WWP2: variants seen among roughly 807,000 people sequenced by gnomAD.
The protein encoded by WWP2 is NEDD4-like E3 ubiquitin-protein ligase WWP2.
Under a neutral mutation model 121.0 loss-of-function variants are expected in WWP2, and 57 were observed. The observed-to-expected ratio is 0.47, with a 90% confidence interval of 0.38 to 0.59. The LOEUF (loss-of-function observed/expected upper bound fraction) is 0.59, where lower values mean the gene tolerates loss of function less well. Among genes scored for constraint, WWP2 ranks in the 20% least tolerant of loss-of-function variants. The probability of loss-of-function intolerance (pLI) is 0.00; values close to 1 mark genes in which losing one functional copy is unlikely to be tolerated. For missense variants in WWP2, 962 were observed against 1,158.9 expected (o/e 0.83, Z 2.47); for synonymous variants, 449 against 441.3 (o/e 1.02, Z -0.22).
intron 4 of WWP2, among the ~76,000 whole-genome samples, chr16:69,820,248 T>C (rs904744850): frequency 1.3e-5 from 2 of 151,964 alleles, no homozygotes; most frequent in Non-Finnish European, 2.9e-5. Context: ...TTTTTTGTTA[T>C]TATTATTTTT....
At chr16:69,880,950 TAGG>T (rs2057817438) in intron 7 of WWP2, among the ~76,000 whole-genome samples, 1 of 152,228 alleles carries the variant, frequency 6.6e-6, no homozygotes, top group South Asian at 2.1e-4. Flanking sequence ...GCAGTGTCTC[TAGG>T]ATTAAGCAAA....
At position 69,940,815 on chromosome 16, in the gene WWP2, G is replaced by A. The variant is rs1426386774; in HGVS notation, c.*875G>A. ...TGAGCTCAGGCAGGCCTGACCCGGCGGCACAGCCTGGCAGGGACCTCGTCC... is the reference window on the plus strand; with the variant it reads ...TGAGCTCAGGCAGGCCTGACCCGGCAGCACAGCCTGGCAGGGACCTCGTCC... On this transcript the variant is annotated 3_prime_UTR_variant, in exon 24 of 24. Transcript: ENST00000359154. 13 of 153,470 alleles carry A rather than the reference G, an allele frequency of 8.5e-5. No homozygotes were observed. Among genetic ancestry groups the A allele is most frequent in the Admixed American group, 7.2e-4 (11 of 15,308 alleles). 9.5% of individuals were successfully genotyped at this position (153,470 alleles called of 1,614,324 possible).
intron 8 of WWP2, among the ~76,000 whole-genome samples, chr16:69,898,745 C>T (rs1473044092): frequency 6.6e-6 from 1 of 151,580 alleles, no homozygotes; most frequent in African/African-American, 2.4e-5. Flanking sequence ...CTCTTGTTGC[C>T]CATGCTGGAG....
At chr16:69,919,366 C>T (rs1271461841) in intron 10 of WWP2, among the ~76,000 whole-genome samples, 1 of 152,182 alleles carries the variant, frequency 6.6e-6, no homozygotes, top group East Asian at 1.9e-4. Flanking sequence ...GGGGTTTCAC[C>T]ATGTTAGTCA....
At chr16:69,870,075 A>G (rs777241143) in intron 6 of WWP2, among the ~76,000 whole-genome samples, 1 of 152,234 alleles carries the variant, frequency 6.6e-6, no homozygotes, top group Non-Finnish European at 1.5e-5. Context: ...CTGCCTGTAC[A>G]TGAATCTTTG....
chr16:69,893,006 A>C (rs757963038), intron 8 of WWP2, among the ~76,000 whole-genome samples: 13 of 152,186 alleles, frequency 8.5e-5, no homozygotes, highest in Non-Finnish European at 1.5e-5. Flanking sequence ...TCCACTCCAC[A>C]TCTCTGCCTA....
At position 69,931,847 on chromosome 16, in the gene WWP2, A is replaced by G; in HGVS notation, c.1639A>G (p.Ile547Val). ...PYDLRRRLYIIMRGEEGLDYG... is the reference protein window; with the variant it reads ...PYDLRRRLYIVMRGEEGLDYG... ...TGACCTGCGCCGCCGGCTCTACATC[A>G]TCATGCGTGGCGAGGAGGGCCTGGA... The change falls in exon 16 of 24, where the codon ATC becomes GTC. Residue 547 changes from isoleucine (I) to valine (V), a missense_variant. Transcript: ENST00000359154. The G allele has an allele frequency of 1.2e-6, 2 of 1,613,660 alleles. No individual in the cohort carries two copies. Among genetic ancestry groups the G allele is most frequent in the Non-Finnish European group, 1.7e-6 (2 of 1,179,974 alleles).
At chr16:69,852,464 G>T (rs2057235463) in intron 6 of WWP2, among the ~76,000 whole-genome samples, 1 of 152,120 alleles carries the variant, frequency 6.6e-6, no homozygotes, top group African/African-American at 2.4e-5. Context: ...AGTAGAAACT[G>T]GGTTTCACCA....
chr16:69,785,415 A>G (rs1379321413), intron 1 of WWP2, among the ~76,000 whole-genome samples: 1 of 152,176 alleles, frequency 6.6e-6, no homozygotes, highest in Non-Finnish European at 1.5e-5. Context: ...ATCAGTGGTG[A>G]CATTCACAAA....
intron 4 of WWP2, among the ~76,000 whole-genome samples, chr16:69,823,905 G>A (rs896391176): frequency 1.3e-5 from 2 of 152,232 alleles, no homozygotes; most frequent in South Asian, 4.1e-4. Flanking sequence ...CAGGGGCGTT[G>A]GGCCATCTTC....
chr16:69,887,447 C>G (rs1266828769), intron 7 of WWP2, among the ~76,000 whole-genome samples: 1 of 151,898 alleles, frequency 6.6e-6, no homozygotes, highest in Non-Finnish European at 1.5e-5. Context: ...AAATTTTTTG[C>G]AAGGCTGGAG....
chr16:69,825,179 C>T (rs1410790591), intron 4 of WWP2, among the ~76,000 whole-genome samples: 1 of 151,798 alleles, frequency 6.6e-6, no homozygotes. Flanking sequence ...AATCCCAGCA[C>T]TTTGGGAGGC....
At chr16:69,771,952 C>CTTTTTTTT (rs56376857) in intron 1 of WWP2, among the ~76,000 whole-genome samples, 3 of 55,826 alleles carry the variant, frequency 5.4e-5, no homozygotes, top group Non-Finnish European at 1.0e-4. Context: ...TCTTTTTAGT[C>CTTTTTTTT]TTTTTTTTTT....
chr16:69,780,023 A>G (rs1259449332), intron 1 of WWP2, among the ~76,000 whole-genome samples: 2 of 152,214 alleles, frequency 1.3e-5, no homozygotes, highest in Non-Finnish European at 1.5e-5. Flanking sequence ...TTTCTTTGAA[A>G]GATAAAATGT....
chr16:69,801,816 C>T (rs767871012), intron 4 of WWP2, among the ~76,000 whole-genome samples: 8 of 151,870 alleles, frequency 5.3e-5, no homozygotes, highest in South Asian at 2.1e-4. Flanking sequence ...TATTTGTAGA[C>T]GTATATTGAT....
chr16:69,939,706 G>A (rs1347161891), intron 23 of WWP2, 135 bp from the exon 24 acceptor site: 3 of 743,950 alleles, frequency 4.0e-6, no homozygotes, highest in Non-Finnish European at 6.0e-6. Context: ...CCTGCAATGT[G>A]AAGGCCTGAC....
chr16:69,877,769 C>T (rs1163037059), intron 7 of WWP2, among the ~76,000 whole-genome samples: 1 of 151,988 alleles, frequency 6.6e-6, no homozygotes, highest in African/African-American at 2.4e-5. Flanking sequence ...GTGGAGCCGT[C>T]AGAACACACA....
At chr16:69,876,710 C>T (rs1374435564) in intron 7 of WWP2, among the ~76,000 whole-genome samples, 2 of 152,126 alleles carry the variant, frequency 1.3e-5, no homozygotes. Flanking sequence ...CAAGATGACT[C>T]CTTGATCCAT....
intron 9 of WWP2, among the ~76,000 whole-genome samples, chr16:69,916,436 C>T (rs2058480362): frequency 6.6e-6 from 1 of 152,092 alleles, no homozygotes; most frequent in Non-Finnish European, 1.5e-5. Flanking sequence ...AGTTTTTGAG[C>T]AGGAGTGTGA....
Sources: gnomAD v4.1 joint callset for allele counts (sites outside exome capture counted in the v4.1 genomes callset) on GRCh38, gnomAD v4.1.1 for gene constraint, MANE v1.5 for transcripts, NCBI Gene and HGNC (gene_info 2026-07-23, HGNC 2026-07-21) for gene names.